Variants in MYH13 observed in about 807,000 individuals in gnomAD.
MYH13 encodes the protein myosin heavy chain 13.
A neutral mutation model predicts 232.1 loss-of-function variants in MYH13; 177 were observed. The observed-to-expected ratio is 0.76, with a 90% CI of 0.67 to 0.86. The LOEUF is 0.86. Ranked by LOEUF, MYH13 falls within the 40% of genes least tolerant of loss-of-function variation. MYH13 has a pLI of 0.00. For missense variants in MYH13, 2,246 were observed against 2,405.9 expected, an observed-to-expected ratio of 0.93 and a Z score of 1.39; for synonymous variants, 884 against 923.5, an observed-to-expected ratio of 0.96 and a Z score of 0.78.
intron 7 of MYH13, 111 bp from the exon 8 acceptor site, chr17:10,357,938 C>T: frequency 3.4e-6 from 3 of 881,646 alleles, no homozygotes; most frequent in Non-Finnish European, 5.4e-6. Context: ...AGATGTCGAC[C>T]AGCTCCACCT....
chr17:10,326,462 T>G (rs1210416496), intron 22 of MYH13, among the ~76,000 whole-genome samples: 1 of 151,754 alleles, frequency 6.6e-6, no homozygotes, highest in African/African-American at 2.4e-5. Flanking sequence ...TTTCTTTTTC[T>G]TTCTTTCTTT....
Position 10,319,167 on chromosome 17 carries a change from C to G in MYH13, c.3361G>C (p.Glu1121Gln), listed in dbSNP as rs1431649173. ...TCCGCTTCAATTTCCTCCTCCAGCT[C>G]TTCTATGCGGGCCTGAAAGGATTAC... ...KIKELQARIE[E>Q]LEEEIEAEHT... Residue 1121 changes from glutamate (E) to glutamine (Q), a missense_variant, in exon 27 of 41, where the codon GAG becomes CAG. Physicochemically the swap from Glu to Gln is conservative, Grantham distance 29 (BLOSUM62 2). Coordinates refer to ENST00000252172, the MANE Select transcript of MYH13 (RefSeq NM_003802.3). 2 of 1,613,760 alleles carry G rather than the reference C, an allele frequency of 1.2e-6. No individual in the cohort carries two copies. Among genetic ancestry groups the G allele is most frequent in the Non-Finnish European group, 1.7e-6 (2 of 1,179,886 alleles).
rs760835013 is a variant in MYH13, at chr17:10,345,450, A to G, written c.1413+17T>C. 6.2e-7 allele frequency: 1 copy of G among 1,614,252 alleles called. No homozygotes were observed. Among genetic ancestry groups the G allele is most frequent in the Non-Finnish European group, 8.5e-7 (1 of 1,180,042 alleles). ...GATTCAGCAAAGCAGACAAGAAAGT[A>G]GAAGGTCACAACTCACATCAAAGAT... is the stretch of plus-strand genomic sequence containing the variant. On this transcript the variant is annotated intron_variant, in intron 14 of 40. Coordinates refer to ENST00000252172, the MANE Select transcript of MYH13 (RefSeq NM_003802.3).
At chr17:10,324,670 C>T (rs1042875839) in intron 22 of MYH13, among the ~76,000 whole-genome samples, 10 of 150,748 alleles carry the variant, frequency 6.6e-5, no homozygotes, top group South Asian at 2.1e-4. Context: ...GGTCTCCAAA[C>T]GCCTGACCTC....
intron 33 of MYH13, among the ~76,000 whole-genome samples, chr17:10,310,166 A>G (rs1246337873): frequency 1.3e-5 from 2 of 150,916 alleles, no homozygotes; most frequent in African/African-American, 4.9e-5. Context: ...TCTCGGCTCA[A>G]TGCAACCTCC....
chr17:10,321,930 A>G (rs541048198), intron 23 of MYH13, among the ~76,000 whole-genome samples: 12 of 152,342 alleles, frequency 7.9e-5, no homozygotes, highest in African/African-American at 2.9e-4. Context: ...TAAGGAGGGC[A>G]TTATATTTTA....
intron 23 of MYH13, among the ~76,000 whole-genome samples, chr17:10,323,575 T>C (rs1907057690): frequency 6.6e-6 from 1 of 151,680 alleles, no homozygotes; most frequent in Admixed American, 6.6e-5. Flanking sequence ...TTGGCCAACA[T>C]GGTGAAACTC....
At chr17:10,323,480 A>G (rs1597377998) in intron 23 of MYH13, among the ~76,000 whole-genome samples, 2 of 152,068 alleles carry the variant, frequency 1.3e-5, no homozygotes, top group Non-Finnish European at 1.5e-5. Context: ...AGAAGAGCCT[A>G]TGGGGCCGGG....
Position 10,306,755 on chromosome 17 carries a change from G to T in MYH13, c.5296-126C>A. On this transcript the variant is annotated intron_variant, in intron 36 of 40. Transcript: ENST00000252172. This position sits in a 1 kb window ranked among gnomAD's most constrained non-coding sequence, Gnocchi z 4.3. Reference sequence around the variant, plus strand: ...TGTCTGACTGGGGCCAGTCATTGCTGATTCCCCACAGCCTCCCCTCCCACT... The same window carrying T: ...TGTCTGACTGGGGCCAGTCATTGCTTATTCCCCACAGCCTCCCCTCCCACT... 1 of 1,523,748 alleles carries T rather than the reference G, an allele frequency of 6.6e-7. No individual in the cohort carries two copies. The highest frequency in any genetic ancestry group is 2.3e-5 in the East Asian group (1 of 43,888). 94.4% of individuals were successfully genotyped at this position (1,523,748 alleles called of 1,614,324 possible).
intron 27 of MYH13, among the ~76,000 whole-genome samples, chr17:10,318,111 G>A (rs1466597335): frequency 1.3e-5 from 2 of 152,068 alleles, no homozygotes; most frequent in Non-Finnish European, 2.9e-5. Context: ...GCCTGGTGGC[G>A]TGTGCCTGTA....
At position 10,360,063 on chromosome 17, in the gene MYH13, G is replaced by T. The variant is rs773173964; in HGVS notation, c.542C>A (p.Ser181Tyr). 5 of 1,614,012 alleles carry T rather than the reference G, an allele frequency of 3.1e-6. No homozygotes were observed. The East Asian group carries it at 1.1e-4, about 36-fold the overall frequency. Residue 181 changes from serine (S) to tyrosine (Y), a missense_variant, in exon 7 of 41, where the codon TCC becomes TAC. By Grantham distance (144) the Ser-to-Tyr change is moderately radical. Transcript: ENST00000252172. ...GGTGTTCACAGTCTTCCCAGCCCCG[G>T]ATTCTCCGCTGCCAATTTAAAAGTA... Reference protein sequence around the residue: ...DNQSILITGESGAGKTVNTKR... With the variant: ...DNQSILITGEYGAGKTVNTKR...
intron 39 of MYH13, 148 bp downstream of exon 39, chr17:10,303,048 A>G (rs912249915): frequency 2.9e-6 from 2 of 679,760 alleles, no homozygotes; most frequent in East Asian, 2.6e-5. Context: ...CAGGAGAGGA[A>G]GAGGGCAGTT....
chr17:10,301,820 G>A (rs1338128742), intron 39 of MYH13, 117 bp from the exon 40 acceptor site: 1 of 1,341,162 alleles, frequency 7.5e-7, no homozygotes, highest in African/African-American at 1.5e-5. Flanking sequence ...TTCCCTGATG[G>A]CAGAGAGGGC....
intron 35 of MYH13, 45 bp from the exon 36 acceptor site, chr17:10,307,109 G>A (rs577052802): frequency 1.9e-5 from 30 of 1,591,412 alleles, no homozygotes; most frequent in African/African-American, 5.5e-5. Context: ...CTATTGGGGC[G>A]CTTAAAAAAA....
chr17:10,328,097 G>A lies in MYH13; in HGVS notation c.2460C>T (p.Tyr820=). 1 of 1,614,026 alleles carries A rather than the reference G, an allele frequency of 6.2e-7. No individual in the cohort carries two copies. The highest frequency in any genetic ancestry group is 8.5e-7 in the Non-Finnish European group (1 of 1,179,976). The change falls in exon 22 of 41, where the codon TAC becomes TAT. Residue 820 remains tyrosine, a synonymous_variant. Coordinates refer to ENST00000252172, the MANE Select transcript of MYH13 (RefSeq NM_003802.3). ...TGACGTTCATAAAAGAGCGGATGTT[G>A]TACTGGATGCAGAAGATGGAGTCCC... ...ERRDSIFCIQ[Y]NIRSFMNVKH...
chr17:10,325,116 C>G (rs1443283503), intron 22 of MYH13: 1 of 152,068 alleles, frequency 6.6e-6, no homozygotes, highest in Non-Finnish European at 1.5e-5. Context: ...AGCCACCATG[C>G]CTGGCCTCAC....
intron 18 of MYH13, among the ~76,000 whole-genome samples, chr17:10,336,607 G>A (rs758811148): frequency 1.1e-4 from 16 of 151,904 alleles, no homozygotes; most frequent in Non-Finnish European, 8.8e-5. Flanking sequence ...CTTAACCCCC[G>A]ACCCCTACCT....
At chr17:10,342,119 C>T (rs113011693) in intron 16 of MYH13, among the ~76,000 whole-genome samples, 159 of 152,262 alleles carry the variant, frequency 1.0e-3, no homozygotes, top group African/African-American at 3.4e-3. Context: ...AATCATGGCT[C>T]GCTGCAATTT....
At chr17:10,316,930 C>T (rs1906736154) in intron 27 of MYH13, among the ~76,000 whole-genome samples, 1 of 152,144 alleles carries the variant, frequency 6.6e-6, no homozygotes, top group Admixed American at 6.5e-5. Flanking sequence ...ATTCCACGGG[C>T]GTCCTGGAGG....
Sources: allele counts gnomAD v4.1 joint callset (sites outside exome capture counted in the v4.1 genomes callset), GRCh38; gene constraint gnomAD v4.1.1; non-coding constraint Gnocchi (gnomAD v3.1); transcripts MANE v1.5; gene names NCBI Gene and HGNC (gene_info 2026-07-23, HGNC 2026-07-21).